Variants in HMCN2 observed in about 807,000 individuals in gnomAD.
HMCN2 encodes hemicentin 2.
A neutral mutation model predicts 377.5 loss-of-function variants in HMCN2; 325 were observed. The observed-to-expected ratio is 0.86, with a 90% CI of 0.79 to 0.94. The LOEUF (loss-of-function observed/expected upper bound fraction) is 0.94. HMCN2 is among the 40% of genes least tolerant of loss of function. The pLI, the probability that HMCN2 is intolerant of heterozygous loss-of-function variation, is 0.00. For missense variants in HMCN2, 4,543 were observed against 4,725.3 expected (o/e 0.96, Z 1.13); for synonymous variants, 2,007 against 2,046.8 (o/e 0.98, Z 0.53).
chr9:130,359,725 T>C (rs1031318175), intron 37 of HMCN2, among the ~76,000 whole-genome samples: 2 of 151,972 alleles, frequency 1.3e-5, no homozygotes, highest in Non-Finnish European at 2.9e-5. Context: ...GGTCCTCCCC[T>C]CTAGACCAGA....
In HMCN2 at chr9:130,295,677, C is replaced by T; in HGVS notation, c.796C>T (p.Gln266Ter). 4.2e-6 allele frequency: 2 copies of T among 470,900 alleles called. No individual in the cohort carries two copies. The highest frequency in any genetic ancestry group is 8.8e-6 in the Non-Finnish European group (2 of 226,986). The allele number at this position is 470,900 out of a possible 1,614,324, so 29.2% of individuals were successfully genotyped here. A position where few individuals can be genotyped will look rare whatever the true frequency, so the allele number is the denominator to read the frequency against. The change falls in exon 6 of 98, where the codon CAG (glutamine) becomes TAG (stop). Residue 266 changes from glutamine to a stop codon, truncating the protein, a stop_gained. Transcript: ENST00000683500. LOFTEE classifies it high-confidence loss of function. The stretch of plus-strand genomic sequence containing the variant: ...TGGGGCTTCCACAGGGAGGATCCTG[C>T]AGGAGGACGAGGGCCTCAACGTGCT... ...EVQDPLGRIL[Q>*]EDEGLNVLLN...
At chr9:130,289,015 T>G (rs892185363) in intron 4 of HMCN2, among the ~76,000 whole-genome samples, 3 of 152,176 alleles carry the variant, frequency 2.0e-5, no homozygotes, top group Non-Finnish European at 4.4e-5. Context: ...CTCCCCCAAG[T>G]TCCCTGGCAG....
Position 130,349,574 on chromosome 9 carries a change from G to A in HMCN2, c.4341G>A (p.Glu1447=), listed in dbSNP as rs890177499. 12 of 1,303,850 alleles carry A rather than the reference G, an allele frequency of 9.2e-6. No homozygotes were observed. Among genetic ancestry groups the A allele is most frequent in the Non-Finnish European group, 1.1e-5 (11 of 988,894 alleles). The allele number at this position is 1,303,850 out of a possible 1,614,324, so 80.8% of individuals were successfully genotyped here. ...PSVLGAGAAQ[E]VLGLAGADVE... is the part of the protein sequence containing the mutation. Reference sequence around the variant, plus strand: ...TGCTTGGAGCCGGGGCCGCTCAGGAGGTGCTAGGATTGGCCGGTGCAGACG... The same window carrying A: ...TGCTTGGAGCCGGGGCCGCTCAGGAAGTGCTAGGATTGGCCGGTGCAGACG... The change falls in exon 29 of 98, where the codon GAG becomes GAA. Residue 1447 remains glutamate, a synonymous_variant. Transcript: ENST00000683500.
intron 21 of HMCN2, among the ~76,000 whole-genome samples, chr9:130,326,444 G>A (rs1838135627): frequency 6.6e-6 from 1 of 152,160 alleles, no homozygotes; most frequent in South Asian, 2.1e-4. Context: ...TGAAGATGGG[G>A]CGGGACCTGT....
intron 1 of HMCN2, among the ~76,000 whole-genome samples, chr9:130,278,557 G>C (rs1020111958): frequency 6.6e-6 from 1 of 152,116 alleles, no homozygotes; most frequent in Non-Finnish European, 1.5e-5. Context: ...TGGGACTGCA[G>C]AATGAGACCC....
intron 80 of HMCN2, among the ~76,000 whole-genome samples, 180 bp from the exon 81 acceptor site, chr9:130,404,689 C>A (rs1398443960): frequency 1.3e-5 from 2 of 152,250 alleles, no homozygotes; most frequent in African/African-American, 4.8e-5. Context: ...CACAGCTACA[C>A]CAAACTCAGG....
At chr9:130,318,178 C>T (rs1324609185) in intron 15 of HMCN2, among the ~76,000 whole-genome samples, 4 of 152,152 alleles carry the variant, frequency 2.6e-5, no homozygotes, top group South Asian at 2.1e-4. Context: ...TCTTCCTACT[C>T]GCAGTAATTT....
chr9:130,381,732 C>T (rs538881024), intron 54 of HMCN2, among the ~76,000 whole-genome samples: 5 of 152,194 alleles, frequency 3.3e-5, no homozygotes, highest in African/African-American at 1.2e-4. Context: ...AGCCCCTACC[C>T]CTACTTCTAC....
In HMCN2 at chr9:130,325,976, T is replaced by G. The variant is rs1169927779; in HGVS notation, c.3193+6T>G. 1 of 152,314 alleles carries G rather than the reference T, an allele frequency of 6.6e-6. No homozygotes were observed. The highest frequency in any genetic ancestry group is 2.4e-5 in the African/African-American group (1 of 41,470). The allele number at this position is 152,314 out of a possible 1,614,324, so 9.4% of individuals were successfully genotyped here. ...GATGCGACTTTCTGTCAACAGTGAG[T>G]GATGCCAACCCTGTCCTGGGAGAGG... On this transcript the variant is annotated splice_donor_region_variant and intron_variant, in intron 21 of 97. Coordinates refer to ENST00000683500, the MANE Select transcript of HMCN2 (RefSeq NM_001291815.2).
Position 130,347,956 on chromosome 9 carries a change from T to C in HMCN2, c.4025-589T>C, listed in dbSNP as rs1564801524. 2.4e-5 allele frequency: 24 copies of C among 982,884 alleles called. No homozygotes were observed. Among genetic ancestry groups the C allele is most frequent in the Non-Finnish European group, 2.8e-5 (23 of 827,794 alleles). 60.9% of individuals were successfully genotyped at this position (982,884 alleles called of 1,614,324 possible). A position where few individuals can be genotyped will look rare whatever the true frequency, so the allele number is the denominator to read the frequency against. On this transcript the variant is annotated intron_variant, in intron 26 of 97. Coordinates refer to ENST00000683500, the MANE Select transcript of HMCN2 (RefSeq NM_001291815.2). This position sits in a 1 kb window ranked among gnomAD's most constrained non-coding sequence, Gnocchi z 5.1. ...TGTTACCCCTGGTCTCTTCTCACAT[T>C]CTTGTCCTCAGCAGGGAGAGCGCCC...
chr9:130,399,342 A>G (rs940038762), intron 75 of HMCN2, among the ~76,000 whole-genome samples, 169 bp from the exon 76 acceptor site: 20 of 152,188 alleles, frequency 1.3e-4, no homozygotes, highest in Non-Finnish European at 1.5e-5. Context: ...TCACTCAAAA[A>G]TCCACCAGCT....
At chr9:130,316,334 C>T (rs1205340200) in intron 15 of HMCN2, among the ~76,000 whole-genome samples, 2 of 150,530 alleles carry the variant, frequency 1.3e-5, no homozygotes, top group Non-Finnish European at 3.0e-5. Flanking sequence ...GGGTAGGGAG[C>T]TCAGTGGAAG....
chr9:130,396,046 C>T lies in HMCN2; in HGVS notation c.11034C>T (p.Ala3678=). 7.8e-7 allele frequency: 1 copy of T among 1,285,414 alleles called. No homozygotes were observed. Among genetic ancestry groups the T allele is most frequent in the Non-Finnish European group, 1.0e-6 (1 of 987,458 alleles). The allele number at this position is 1,285,414 out of a possible 1,614,324, so 79.6% of individuals were successfully genotyped here. A position where few individuals can be genotyped will look rare whatever the true frequency, so the allele number is the denominator to read the frequency against. ...ARNAAGSTSV[A]FRVEIHTVPT... is the part of the protein sequence containing the mutation. ...ACGCCGCAGGCAGCACTAGTGTCGCCTTCCGCGTGGAGATCCACAGTGAGT... is the reference window on the plus strand; with the variant it reads ...ACGCCGCAGGCAGCACTAGTGTCGCTTTCCGCGTGGAGATCCACAGTGAGT... The change falls in exon 72 of 98, where the codon GCC becomes GCT. Residue 3678 remains alanine, a synonymous_variant. Coordinates refer to ENST00000683500, the MANE Select transcript of HMCN2 (RefSeq NM_001291815.2).
At position 130,296,691 on chromosome 9, in the gene HMCN2, C is replaced by A. The variant is rs1321823216; in HGVS notation, c.909C>A (p.Arg303=). ...TGCGCTAGGTCTATAGCAGTGGCCG[C>A]CATTCAGTGAGGATCACAGGCGTCA... The part of the protein sequence containing the change: ...LWSIKVYSSG[R]HSVRITGVSN... Residue 303 remains arginine (R), a synonymous_variant, in exon 7 of 98, where the codon CGC becomes CGA. Coordinates refer to ENST00000683500, the MANE Select transcript of HMCN2 (RefSeq NM_001291815.2). The A allele has an allele frequency of 2.1e-6, 1 of 470,992 alleles. No homozygotes were observed. The highest frequency in any genetic ancestry group is 4.4e-6 in the Non-Finnish European group (1 of 227,058). 29.2% of individuals were successfully genotyped at this position (470,992 alleles called of 1,614,324 possible).
intron 1 of HMCN2, among the ~76,000 whole-genome samples, chr9:130,281,090 G>A (rs1198161807): frequency 1.5e-5 from 2 of 136,108 alleles, no homozygotes; most frequent in Non-Finnish European, 3.1e-5. Flanking sequence ...GTGACAGAGC[G>A]AGACTCTGTC....
At chr9:130,391,861 G>C (rs1842337943) in intron 65 of HMCN2, 74 bp from the exon 66 acceptor site, 2 of 889,818 alleles carry the variant, frequency 2.2e-6, no homozygotes, top group African/African-American at 3.6e-5. Flanking sequence ...CTCCACTTCT[G>C]GGATTTCCCT....
intron 97 of HMCN2, chr9:130,433,118 A>T (rs929205813): frequency 1.5e-5 from 7 of 474,000 alleles, no homozygotes; most frequent in Admixed American, 4.2e-5. Flanking sequence ...AGTCCGCTGG[A>T]GGGACCATGA....
In HMCN2 at chr9:130,422,937, TC is replaced by T. The variant is rs1844104962; in HGVS notation, c.13381+214del. ...GCAACTTCCTGTCCCCCTCACAACC[TC>T]CCAAAAACAAAGGAACTGCATTTAC... On this transcript the variant is annotated intron_variant, in intron 87 of 97. Coordinates refer to ENST00000683500, the MANE Select transcript of HMCN2 (RefSeq NM_001291815.2). The surrounding 1 kb of genome is among the most constrained non-coding windows in gnomAD (Gnocchi z 4.2). Among the ~76,000 whole-genome samples the T allele has an allele frequency of 6.6e-6, 1 of 151,922 alleles. No homozygotes were observed. The highest frequency in any genetic ancestry group is 1.5e-5 in the Non-Finnish European group (1 of 67,996).
At chr9:130,293,279 G>GTTTTTTTTTTGTTTT (rs1835902999) in intron 4 of HMCN2, among the ~76,000 whole-genome samples, 1 of 57,126 alleles carries the variant, frequency 1.8e-5, no homozygotes, top group Non-Finnish European at 2.7e-5. Context: ...ACTCACTAAA[G>GTTTTTTTTTTGTTTT]TTTTTTTTTT....
Sources: allele counts gnomAD v4.1 joint callset (sites outside exome capture counted in the v4.1 genomes callset), GRCh38; gene constraint gnomAD v4.1.1; non-coding constraint Gnocchi (gnomAD v3.1); transcripts MANE v1.5; gene names NCBI Gene and HGNC (gene_info 2026-07-23, HGNC 2026-07-21).